DOCK9: variants seen among roughly 807,000 people sequenced by gnomAD.
DOCK9 encodes dedicator of cytokinesis protein 9.
A neutral mutation model predicts 263.3 loss-of-function variants in DOCK9; 89 were observed. The observed-to-expected ratio is 0.34, with a 90% CI of 0.28 to 0.40. The LOEUF (loss-of-function observed/expected upper bound fraction) is 0.40. Ranked by LOEUF, DOCK9 falls within the 10% of genes least tolerant of loss-of-function variation. The pLI is 1.00. For synonymous variants in DOCK9, 976 were observed against 973.1 expected, an observed-to-expected ratio of 1.00 and a Z score of -0.06; for missense variants, 2,140 against 2,603.4, an observed-to-expected ratio of 0.82 and a Z score of 3.87.
chr13:98,884,387 T>C (rs1041757950), intron 21 of DOCK9, among the ~76,000 whole-genome samples: 1 of 152,230 alleles, frequency 6.6e-6, no homozygotes, highest in African/African-American at 2.4e-5. Flanking sequence ...TAACTATTTG[T>C]CTATAATATG....
intron 1 of DOCK9, 132 bp downstream of exon 1, chr13:98,977,652 T>A: frequency 1.5e-5 from 10 of 669,532 alleles, no homozygotes; most frequent in East Asian, 3.0e-5. Context: ...AGGGAAAGAG[T>A]GGAGTTCACA....
intron 30 of DOCK9, 84 bp from the exon 31 acceptor site, chr13:98,863,632 C>G: frequency 2.1e-6 from 3 of 1,406,214 alleles, no homozygotes; most frequent in South Asian, 1.4e-5. Context: ...ACAAAAAAAA[C>G]TAAGACCCAT....
chr13:99,033,372 T>C (rs1453446014), intron 1 of DOCK9, among the ~76,000 whole-genome samples: 1 of 152,164 alleles, frequency 6.6e-6, no homozygotes, highest in East Asian at 1.9e-4. Context: ...TGCCCTAAAA[T>C]AGGATAAACC....
At position 98,829,473 on chromosome 13, in the gene DOCK9, G is replaced by A. The variant is rs1594427575; in HGVS notation, c.4799C>T (p.Thr1600Met). ...DVKDLTKRIR[T>M]VLMATAQMKE... ...CATCTGGGCGGTGGCCATTAGCACC[G>A]TGCGTATCCTTTTGGTTAAGTCCTT... is the stretch of plus-strand genomic sequence containing the variant. The change falls in exon 43 of 53, where the codon ACG (threonine) becomes ATG (methionine). Residue 1600 changes from threonine (T) to methionine (M), a missense_variant. By Grantham distance (81) the Thr-to-Met change is moderately conservative. Around this residue, in one of 2 missense-constraint regions of DOCK9, gnomAD observed 619 missense variants for 861.8 expected, o/e 0.72. Coordinates refer to ENST00000682017, the MANE Select transcript of DOCK9 (RefSeq NM_001366683.2). The surrounding 1 kb of genome is among the most constrained non-coding windows in gnomAD (Gnocchi z 4.1). 7 of 1,613,866 alleles carry A rather than the reference G, an allele frequency of 4.3e-6. No individual in the cohort carries two copies. Among genetic ancestry groups the A allele is most frequent in the Non-Finnish European group, 5.9e-6 (7 of 1,179,864 alleles).
upstream of DOCK9, among the ~76,000 whole-genome samples, chr13:98,981,568 G>A (rs1396538131): frequency 3.9e-5 from 6 of 152,298 alleles, no homozygotes; most frequent in South Asian, 8.3e-4. Context: ...TGAGTCCACC[G>A]CCTTCCAGCT....
chr13:98,881,681 C>A (rs2044784272), intron 24 of DOCK9, 54 bp from the exon 25 acceptor site: 1 of 1,515,636 alleles, frequency 6.6e-7, no homozygotes, highest in African/African-American at 1.4e-5. Context: ...GGAAACATTT[C>A]ATTATTATCA....
chr13:98,830,725 A>G (rs9513494), intron 41 of DOCK9, among the ~76,000 whole-genome samples: 4,955 of 152,154 alleles, frequency 0.033, 114 homozygotes, highest in South Asian at 0.068. Flanking sequence ...AGAGTTCCAG[A>G]GCTTGTCTGT....
At chr13:99,078,578 G>A (rs1000941650) in intron 1 of DOCK9, among the ~76,000 whole-genome samples, 3 of 152,160 alleles carry the variant, frequency 2.0e-5, no homozygotes, top group East Asian at 3.9e-4. Context: ...TAAGAGCTGG[G>A]TCAGTAGAGC....
At chr13:98,842,927 C>T (rs967282826) in intron 38 of DOCK9, among the ~76,000 whole-genome samples, 10 of 152,214 alleles carry the variant, frequency 6.6e-5, no homozygotes, top group Admixed American at 6.5e-4. Flanking sequence ...TGCTATTCTA[C>T]TTCCTATCAA....
rs1886800298 is a variant in DOCK9 at position 99,026,931 on chromosome 13, AACAGTGTGCT to A, written c.129+59282_129+59291del. ...CAGAGTACTCTAGCAGAGTACCTTT[AACAGTGTGCT>A]ACACGGGAATGAATTCCTGCTATAT... On this transcript the variant is annotated intron_variant, in intron 1 of 32. Coordinates refer to the DOCK9 transcript ENST00000427887. 2.6e-5 allele frequency among the ~76,000 whole-genome samples: 4 copies of A among 152,350 alleles called. No individual in the cohort carries two copies. In the South Asian group the frequency reaches 8.3e-4, roughly 32 times the overall value.
At chr13:98,984,434 GC>G (rs1162922456) in intron 1 of DOCK9, among the ~76,000 whole-genome samples, 1 of 152,074 alleles carries the variant, frequency 6.6e-6, no homozygotes, top group Non-Finnish European at 1.5e-5. Context: ...CCAAAACAGG[GC>G]AAATAACATA....
At chr13:99,000,949 C>A (rs1018105455) in intron 1 of DOCK9, among the ~76,000 whole-genome samples, 3 of 152,102 alleles carry the variant, frequency 2.0e-5, no homozygotes, top group African/African-American at 7.2e-5. Flanking sequence ...CAAGGCTCTG[C>A]AGTTTGGGGT....
chr13:98,957,821 T>A (rs1288367337), intron 1 of DOCK9, among the ~76,000 whole-genome samples: 1 of 152,188 alleles, frequency 6.6e-6, no homozygotes, highest in African/African-American at 2.4e-5. Flanking sequence ...AGAGGTCAGA[T>A]GGACCAATAC....
intron 1 of DOCK9, chr13:99,015,474 ATCT>A (rs756015012): frequency 3.1e-6 from 5 of 1,597,006 alleles, no homozygotes; most frequent in South Asian, 1.1e-5. Context: ...ATAGTTCTGA[ATCT>A]TCTTTTGTCC....
At chr13:98,899,442 C>T (rs750441697) in intron 13 of DOCK9, among the ~76,000 whole-genome samples, 24 of 152,160 alleles carry the variant, frequency 1.6e-4, no homozygotes, top group Non-Finnish European at 2.9e-4. Flanking sequence ...ACTTTATAAT[C>T]CTACCATAAT....
intron 32 of DOCK9, among the ~76,000 whole-genome samples, chr13:98,862,125 T>C (rs1245944461): frequency 6.6e-6 from 1 of 152,074 alleles, no homozygotes; most frequent in Non-Finnish European, 1.5e-5. Flanking sequence ...CACGAGAACA[T>C]GGTTTTCATA....
chr13:99,010,442 C>T (rs967955625), intron 1 of DOCK9, among the ~76,000 whole-genome samples: 1 of 152,252 alleles, frequency 6.6e-6, no homozygotes, highest in African/African-American at 2.4e-5. Context: ...GCTGAGCTAT[C>T]CTTTCCTGTC....
chr13:98,811,732 G>T (rs1023182848), intron 45 of DOCK9, among the ~76,000 whole-genome samples: 1 of 152,170 alleles, frequency 6.6e-6, no homozygotes, highest in African/African-American at 2.4e-5. Flanking sequence ...TCTTAACAGT[G>T]TCTTTTAAAG....
intron 1 of DOCK9, among the ~76,000 whole-genome samples, chr13:98,996,713 T>C (rs1423842236): frequency 6.6e-6 from 1 of 152,204 alleles, no homozygotes; most frequent in Admixed American, 6.5e-5. Context: ...CTATCACTAG[T>C]GTTAGTGTAT....
Sources: gnomAD v4.1 joint callset for allele counts (sites outside exome capture counted in the v4.1 genomes callset) on GRCh38, gnomAD v4.1.1 for gene constraint, gnomAD v4.1.1 regional missense constraint, Gnocchi (gnomAD v3.1) non-coding constraint, MANE v1.5 for transcripts, NCBI Gene and HGNC (gene_info 2026-07-23, HGNC 2026-07-21) for gene names.